The following ACTN2 variants were observed in gnomAD, a reference collection of about 807,000 sequenced individuals.
ACTN2 encodes the protein actinin alpha 2, also known as alpha-actinin-2.
ACTN2 carries 39 observed loss-of-function variants against 113.8 expected under a neutral mutation model. The ratio of observed to expected loss-of-function variants is 0.34; its 90% CI spans 0.27 to 0.45. The LOEUF is 0.45. ACTN2 is among the 20% of genes least tolerant of loss of function. ACTN2 has a pLI of 1.00. For synonymous variants in ACTN2, 429 were observed against 444.1 expected (o/e 0.97, Z 0.43); for missense variants, 992 against 1,177.9 (o/e 0.84, Z 2.31).
chr1:236,728,425 G>A (rs1363567551), intron 6 of ACTN2, among the ~76,000 whole-genome samples: 1 of 152,192 alleles, frequency 6.6e-6, no homozygotes, highest in Non-Finnish European at 1.5e-5. Flanking sequence ...TTACAGGCGT[G>A]AGCCCCTGTG....
chr1:236,720,079 T>G, intron 3 of ACTN2, 26 bp from the exon 4 acceptor site: 1 of 1,485,158 alleles, frequency 6.7e-7, no homozygotes, highest in Non-Finnish European at 9.4e-7. Flanking sequence ...TATCTTTACA[T>G]TAATTTGTTG....
chr1:236,760,984 G>A (rs1394293687), intron 19 of ACTN2, 31 bp from the exon 20 acceptor site: 32 of 1,613,556 alleles, frequency 2.0e-5, no homozygotes, highest in Non-Finnish European at 2.4e-5. Context: ...TGTACCGTTC[G>A]TGTACATGTT....
Position 236,735,673 on chromosome 1 carries a change from A to G in ACTN2, c.736A>G (p.Met246Val), listed in dbSNP as rs397516582. ...CCCTAAACCCGATGAAAGAGCCATC[A>G]TGACGTACGTCTCTTGCTTCTACCA... ...NTPKPDERAIMTYVSCFYHAF... is the reference protein window; with the variant it reads ...NTPKPDERAIVTYVSCFYHAF... Residue 246 changes from methionine to valine, a missense_variant, in exon 8 of 21, where the codon ATG becomes GTG. Met to Val is a conservative substitution (Grantham distance 21). Around this residue, in one of 3 missense-constraint regions of ACTN2, gnomAD observed 220 missense variants for 337.5 expected, o/e 0.65. Coordinates refer to ENST00000366578, the MANE Select transcript of ACTN2 (RefSeq NM_001103.4). 1 of 1,614,228 alleles carries G rather than the reference A, an allele frequency of 6.2e-7. No individual in the cohort carries two copies. Among genetic ancestry groups the G allele is most frequent in the Admixed American group, 1.7e-5 (1 of 60,026 alleles).
rs915124748 is a variant in ACTN2 at position 236,719,276 on chromosome 1, C to G, written c.361+263C>G. ...GAAGACTTAAAGGACTGAGAAAGAACTTACACATCCCAATGACTCTTAATA... is the reference window on the plus strand; with the variant it reads ...GAAGACTTAAAGGACTGAGAAAGAAGTTACACATCCCAATGACTCTTAATA... On this transcript the variant is annotated intron_variant, in intron 3 of 20. Coordinates refer to ENST00000366578, the MANE Select transcript of ACTN2 (RefSeq NM_001103.4). Among the ~76,000 whole-genome samples the G allele has an allele frequency of 2.0e-5, 3 of 152,202 alleles. 1 individual carries two copies. Among genetic ancestry groups the G allele is most frequent in the Non-Finnish European group, 4.4e-5 (3 of 68,036 alleles).
intron 15 of ACTN2, among the ~76,000 whole-genome samples, chr1:236,752,017 G>A (rs1006359365): frequency 6.6e-6 from 1 of 152,166 alleles, no homozygotes; most frequent in Non-Finnish European, 1.5e-5. Flanking sequence ...AGAATTTTTA[G>A]AATATGATAT....
Position 236,754,093 on chromosome 1 carries a change from C to T in ACTN2, c.1974+12C>T, listed in dbSNP as rs1280205575. ...AGAACAAGATGGAGGTAAGCCAGCG[C>T]CCTCCCAGGCGCTGTTCACAAGCCT... On this transcript the variant is annotated intron_variant, in intron 16 of 20. Coordinates refer to ENST00000366578, the MANE Select transcript of ACTN2 (RefSeq NM_001103.4). The surrounding 1 kb of genome is among the most constrained non-coding windows in gnomAD (Gnocchi z 4.9). 5 of 1,613,384 alleles carry T rather than the reference C, an allele frequency of 3.1e-6. No homozygotes were observed. Among genetic ancestry groups the T allele is most frequent in the Admixed American group, 3.3e-5 (2 of 60,034 alleles).
At chr1:236,745,559 G>A (rs1326247238) in intron 12 of ACTN2, among the ~76,000 whole-genome samples, 1 of 152,212 alleles carries the variant, frequency 6.6e-6, no homozygotes, top group Non-Finnish European at 1.5e-5. Context: ...CATGCGTTTG[G>A]TTTTATGGGA....
chr1:236,732,164 C>T (rs985899005), intron 7 of ACTN2, among the ~76,000 whole-genome samples: 3 of 152,212 alleles, frequency 2.0e-5, no homozygotes, highest in South Asian at 4.1e-4. Context: ...TTCCTCTTTG[C>T]TTTTGGTAAT....
intron 1 of ACTN2, among the ~76,000 whole-genome samples, chr1:236,689,342 C>A (rs1572089125): frequency 8.6e-6 from 1 of 116,628 alleles, no homozygotes; most frequent in East Asian, 2.6e-4. Context: ...TATATATACA[C>A]ACACATATGT....
intron 7 of ACTN2, among the ~76,000 whole-genome samples, chr1:236,733,846 A>T (rs964163800): frequency 1.3e-5 from 2 of 152,194 alleles, no homozygotes; most frequent in Non-Finnish European, 2.9e-5. Flanking sequence ...CTCTGAACCC[A>T]AGTGGGGATT....
chr1:236,728,634 C>CT (rs1491067274), intron 6 of ACTN2, among the ~76,000 whole-genome samples: 5 of 57,362 alleles, frequency 8.7e-5, no homozygotes, highest in Non-Finnish European at 1.5e-4. Flanking sequence ...TTTAGTTTTG[C>CT]TTTTTTTCAG....
chr1:236,702,780 G>C (rs1657714779), intron 1 of ACTN2, among the ~76,000 whole-genome samples: 1 of 152,172 alleles, frequency 6.6e-6, no homozygotes, highest in Non-Finnish European at 1.5e-5. Context: ...AGCTATAGCT[G>C]TACCTGACTG....
intron 4 of ACTN2, among the ~76,000 whole-genome samples, chr1:236,722,490 C>T (rs967082915): frequency 5.3e-5 from 8 of 151,908 alleles, no homozygotes; most frequent in Non-Finnish European, 8.8e-5. Context: ...CAAAAATTAG[C>T]CAGGTGTGGT....
intron 1 of ACTN2, among the ~76,000 whole-genome samples, chr1:236,705,753 G>T (rs1264046939): frequency 6.6e-6 from 1 of 152,194 alleles, no homozygotes; most frequent in Non-Finnish European, 1.5e-5. Flanking sequence ...AGTTATGGGG[G>T]TGATTCCATA....
chr1:236,726,947 C>G (rs949707089), intron 5 of ACTN2, among the ~76,000 whole-genome samples: 6 of 152,184 alleles, frequency 3.9e-5, no homozygotes, highest in African/African-American at 1.4e-4. Flanking sequence ...GGCCCAAGTA[C>G]TTCAGCATTG....
intron 14 of ACTN2, among the ~76,000 whole-genome samples, chr1:236,750,353 T>TTCCATGAAC (rs1287288585): frequency 6.6e-6 from 1 of 152,200 alleles, no homozygotes; most frequent in Non-Finnish European, 1.5e-5. Context: ...AAGAAAGTGC[T>TTCCATGAAC]TCCATGAACA....
chr1:236,745,173 G>A (rs916534595), intron 12 of ACTN2, among the ~76,000 whole-genome samples: 38 of 152,142 alleles, frequency 2.5e-4, no homozygotes, highest in African/African-American at 7.7e-4. Flanking sequence ...GGTGGCTCAC[G>A]CCTGTAATCC....
intron 1 of ACTN2, among the ~76,000 whole-genome samples, chr1:236,700,392 C>G (rs768994103): frequency 3.3e-5 from 5 of 152,098 alleles, no homozygotes; most frequent in Non-Finnish European, 7.4e-5. Context: ...GAGGCAATAA[C>G]CCTGTTGTCT....
Position 236,745,938 on chromosome 1 carries a change from C to T in ACTN2, c.1406+1162C>T, listed in dbSNP as rs556251090. On this transcript the variant is annotated intron_variant, in intron 12 of 20. Coordinates refer to ENST00000366578, the MANE Select transcript of ACTN2 (RefSeq NM_001103.4). ...CAGCACTTTGGGAGGCTGAGGTGGG[C>T]TGATCACGAGGTCAGGAGATCAAGA... 3.3e-5 allele frequency among the ~76,000 whole-genome samples: 5 copies of T among 152,000 alleles called. No individual in the cohort carries two copies. The East Asian group carries it at 9.7e-4, about 30-fold the overall frequency.
Sources: gnomAD v4.1 joint callset for allele counts (sites outside exome capture counted in the v4.1 genomes callset) on GRCh38, gnomAD v4.1.1 for gene constraint, gnomAD v4.1.1 regional missense constraint, Gnocchi (gnomAD v3.1) non-coding constraint, MANE v1.5 for transcripts, NCBI Gene and HGNC (gene_info 2026-07-23, HGNC 2026-07-21) for gene names.